Variants in PTGER3 observed in about 807,000 individuals in gnomAD.
The protein encoded by PTGER3 is prostaglandin E receptor 3.
PTGER3 carries 22 observed loss-of-function variants against 34.7 expected under a neutral mutation model. That is an observed-to-expected ratio of 0.63 (90% CI 0.45 to 0.91). PTGER3 has a LOEUF of 0.91. Ranked by LOEUF, PTGER3 falls within the 40% of genes least tolerant of loss-of-function variation. The pLI, the probability that PTGER3 is intolerant of heterozygous loss-of-function variation, is 0.00. For synonymous variants in PTGER3, 241 were observed against 230.1 expected, an observed-to-expected ratio of 1.05 and a Z score of -0.43; for missense variants, 468 against 519.4, an observed-to-expected ratio of 0.90 and a Z score of 0.96.
At chr1:70,896,456 G>A (rs554787942) in intron 4 of PTGER3, among the ~76,000 whole-genome samples, 7 of 152,094 alleles carry the variant, frequency 4.6e-5, no homozygotes, top group Non-Finnish European at 1.0e-4. Flanking sequence ...GAGAAGCATT[G>A]GAACAGATTA....
At chr1:70,955,756 A>T (rs1391356799) in intron 2 of PTGER3, among the ~76,000 whole-genome samples, 1 of 152,118 alleles carries the variant, frequency 6.6e-6, no homozygotes, top group African/African-American at 2.4e-5. Flanking sequence ...TCAAAGCAGA[A>T]CTTCTTGCTT....
At chr1:70,917,284 T>C (rs1326527193) in intron 4 of PTGER3, among the ~76,000 whole-genome samples, 1 of 151,762 alleles carries the variant, frequency 6.6e-6, no homozygotes, top group Non-Finnish European at 1.5e-5. Flanking sequence ...CAAGAGATCA[T>C]GTGCTGTTTG....
chr1:71,001,694 C>T (rs1319292342), intron 2 of PTGER3, among the ~76,000 whole-genome samples: 1 of 152,074 alleles, frequency 6.6e-6, no homozygotes, highest in African/African-American at 2.4e-5. Context: ...TGAGAAGATA[C>T]CACATAGAAA....
At chr1:70,960,036 C>T (rs954082027) in intron 2 of PTGER3, among the ~76,000 whole-genome samples, 1 of 152,018 alleles carries the variant, frequency 6.6e-6, no homozygotes, top group Admixed American at 6.6e-5. Flanking sequence ...ACTATGTGAA[C>T]CTAAAGGCAT....
At chr1:70,923,516 G>A (rs115783411) in intron 4 of PTGER3, among the ~76,000 whole-genome samples, 6,075 of 152,204 alleles carry the variant, frequency 0.04, 159 homozygotes, top group Middle Eastern at 0.13. Flanking sequence ...TGATAACTTT[G>A]GAGATTATTA....
intron 2 of PTGER3, among the ~76,000 whole-genome samples, chr1:70,997,508 C>T (rs1358899430): frequency 6.6e-6 from 1 of 152,066 alleles, no homozygotes; most frequent in Admixed American, 6.5e-5. Context: ...CTTTCATATT[C>T]GATGAAGTCA....
chr1:70,917,575 A>G (rs1247403179), intron 4 of PTGER3, among the ~76,000 whole-genome samples: 1 of 151,972 alleles, frequency 6.6e-6, no homozygotes, highest in African/African-American at 2.4e-5. Context: ...TATACCCAGT[A>G]AAGAGATTGC....
At chr1:70,991,807 GAC>G (rs1235693647) in intron 2 of PTGER3, among the ~76,000 whole-genome samples, 1 of 152,136 alleles carries the variant, frequency 6.6e-6, no homozygotes, top group East Asian at 1.9e-4. Context: ...ATGAGAGAGT[GAC>G]AGTGATTTAC....
At chr1:70,884,225 G>C (rs1646452100) in intron 4 of PTGER3, 1 of 216,324 alleles carries the variant, frequency 4.6e-6, no homozygotes, top group Non-Finnish European at 9.4e-6. Flanking sequence ...CTGTCTCAGT[G>C]CCCTCTGAAT....
intron 2 of PTGER3, chr1:71,008,219 T>C: frequency 1.1e-6 from 1 of 944,260 alleles, no homozygotes; most frequent in Non-Finnish European, 1.3e-6. Flanking sequence ...GATATCTGGG[T>C]TGCTTATTAC....
chr1:71,009,873 C>G (rs971145167), intron 2 of PTGER3: 2 of 985,110 alleles, frequency 2.0e-6, no homozygotes, highest in African/African-American at 1.7e-5. Context: ...AACCACCGCT[C>G]TAGTCTCTGT....
At chr1:70,885,046 A>T (rs2100234454) in intron 4 of PTGER3, among the ~76,000 whole-genome samples, 1 of 152,292 alleles carries the variant, frequency 6.6e-6, no homozygotes, top group East Asian at 1.9e-4. Flanking sequence ...CTATTCCAAG[A>T]TCATTTTCCT....
chr1:70,867,036 GT>G (rs1402008357), intron 4 of PTGER3, among the ~76,000 whole-genome samples: 1 of 152,204 alleles, frequency 6.6e-6, no homozygotes, highest in Non-Finnish European at 1.5e-5. Context: ...TGCCTTTACA[GT>G]TGTATATCTG....
At chr1:70,946,185 C>G (rs563391151) in intron 4 of PTGER3, among the ~76,000 whole-genome samples, 1 of 152,044 alleles carries the variant, frequency 6.6e-6, no homozygotes, top group Non-Finnish European at 1.5e-5. Flanking sequence ...CCCAGCCCCA[C>G]CACATATCAC....
intron 4 of PTGER3, among the ~76,000 whole-genome samples, chr1:70,940,272 A>G (rs1649632100): frequency 6.6e-6 from 1 of 152,164 alleles, no homozygotes. Context: ...CCATATTGCT[A>G]TCAGCATTTG....
At chr1:71,023,755 T>C (rs2284363) in intron 1 of PTGER3, among the ~76,000 whole-genome samples, 28,973 of 151,734 alleles carry the variant, frequency 0.19, 3,368 homozygotes, top group East Asian at 0.44. Flanking sequence ...TCTGTCTCTC[T>C]CCACATTCCA....
intron 4 of PTGER3, among the ~76,000 whole-genome samples, chr1:70,858,018 A>C (rs1045327690): frequency 6.6e-6 from 1 of 152,218 alleles, no homozygotes; most frequent in Non-Finnish European, 1.5e-5. Flanking sequence ...ATATGCTTAC[A>C]GAAAAGATAG....
Position 71,046,832 on chromosome 1 carries a change from T to G in PTGER3, c.746A>C (p.Asn249Thr). ...LLALTVTFSC[N>T]LATIKALVSR... ...CACCAGGGCCTTAATGGTGGCCAGG[T>G]TGCAGGAAAAGGTGACTGTCAGCGC... The change falls in exon 1 of 4, where the codon AAC (asparagine) becomes ACC (threonine). Residue 249 changes from asparagine to threonine, a missense_variant. Transcript: ENST00000306666. The G allele has an allele frequency of 1.2e-6, 2 of 1,614,022 alleles. No homozygotes were observed. The highest frequency in any genetic ancestry group is 1.7e-6 in the Non-Finnish European group (2 of 1,180,032).
intron 2 of PTGER3, among the ~76,000 whole-genome samples, chr1:70,984,252 T>C (rs1006361774): frequency 1.3e-5 from 2 of 151,728 alleles, no homozygotes; most frequent in Admixed American, 1.3e-4. Flanking sequence ...CCAAGTGTGG[T>C]GGCACACACC....
Sources: allele counts gnomAD v4.1 joint callset (sites outside exome capture counted in the v4.1 genomes callset), GRCh38; gene constraint gnomAD v4.1.1; transcripts MANE v1.5; gene names NCBI Gene and HGNC (gene_info 2026-07-23, HGNC 2026-07-21).